Variants in LOC730098 observed in about 807,000 individuals in gnomAD.
the LOC730098 span, chr9:34,665,414 G>A: frequency 1.9e-5 from 13 of 699,470 alleles, no homozygotes; most frequent in Non-Finnish European, 2.6e-5. Context: ...GGGGCGGGGC[G>A]GGGAGGAGCT....
the LOC730098 span, chr9:34,665,580 G>T: frequency 2.9e-6 from 2 of 691,264 alleles, no homozygotes; most frequent in Non-Finnish European, 5.2e-6. Flanking sequence ...GGAGCCGCCT[G>T]GTTCCTCCTC....
chr9:34,664,804 C>A, the LOC730098 span: 2 of 401,580 alleles, frequency 5.0e-6, no homozygotes, highest in Non-Finnish European at 8.8e-6. Flanking sequence ...TTATTTAGTT[C>A]TCTTCATATA....
chr9:34,665,408 C>A, the LOC730098 span: 1 of 424,374 alleles, frequency 2.4e-6, no homozygotes, highest in Non-Finnish European at 4.6e-6. Context: ...CGGGGCGGGG[C>A]GGGGCGGGGA....
the LOC730098 span, chr9:34,665,805 C>T: frequency 1.3e-5 from 8 of 633,278 alleles, no homozygotes; most frequent in South Asian, 1.4e-4. Flanking sequence ...GCCTCAGTTG[C>T]CACCACGGGA....
chr9:34,665,276 A>C, the LOC730098 span: 7 of 701,940 alleles, frequency 1.0e-5, no homozygotes, highest in South Asian at 5.9e-5. Flanking sequence ...AGTCCCGTCC[A>C]TGCCCGGGGC....
chr9:34,665,421 A>G, the LOC730098 span: 2 of 698,248 alleles, frequency 2.9e-6, no homozygotes, highest in African/African-American at 1.8e-5. Flanking sequence ...GGCGGGGAGG[A>G]GCTGACCCTA....
At chr9:34,665,403 C>A in the LOC730098 span, 6 of 419,230 alleles carry the variant, frequency 1.4e-5, no homozygotes, top group South Asian at 8.0e-5. Flanking sequence ...CCGGGCGGGG[C>A]GGGGCGGGGC....
the LOC730098 span, chr9:34,664,637 C>G: frequency 1.2e-5 from 2 of 163,908 alleles, no homozygotes; most frequent in South Asian, 4.0e-4. Flanking sequence ...CAAGTCGCTC[C>G]TCTGTGGCAG....
the LOC730098 span, chr9:34,665,653 C>T: frequency 4.3e-6 from 3 of 701,292 alleles, no homozygotes; most frequent in Non-Finnish European, 7.8e-6. Flanking sequence ...CTCCTCATTC[C>T]CGACATGTCC....
chr9:34,665,569 C>CGGAGCCGCCTGGTTCCTCCTCCGCA, the LOC730098 span: 2 of 700,658 alleles, frequency 2.9e-6, no homozygotes, highest in Non-Finnish European at 5.2e-6. Flanking sequence ...TCCCCCACCC[C>CGGAGCCGCCTGGTTCCTCCTCCGCA]GGAGCCGCCT....
chr9:34,665,606 C>CA, the LOC730098 span: 1 of 701,238 alleles, frequency 1.4e-6, no homozygotes. Flanking sequence ...AACCCGCCTC[C>CA]ACTCACTCCT....
the LOC730098 span, chr9:34,665,800 A>G: frequency 1.6e-6 from 1 of 636,172 alleles, no homozygotes; most frequent in Non-Finnish European, 2.8e-6. Context: ...GAGAAGCCTC[A>G]GTTGCCACCA....
At chr9:34,665,775 G>C in the LOC730098 span, 2 of 659,284 alleles carry the variant, frequency 3.0e-6, no homozygotes, top group Non-Finnish European at 5.5e-6. Context: ...CAGGTAATCT[G>C]AGGCTGATGC....
the LOC730098 span, chr9:34,665,986 G>T: frequency 2.3e-6 from 1 of 432,554 alleles, no homozygotes; most frequent in Non-Finnish European, 4.2e-6. Flanking sequence ...ACCTGGAGGG[G>T]GGGCTGAGAG....
the LOC730098 span, chr9:34,664,960 G>A: frequency 1.8e-6 from 1 of 556,452 alleles, no homozygotes; most frequent in Non-Finnish European, 3.2e-6. Flanking sequence ...AACAGAGCCC[G>A]TGTGGGGAGG....
chr9:34,665,199 C>G, the LOC730098 span: 28 of 653,938 alleles, frequency 4.3e-5, no homozygotes, highest in Middle Eastern at 1.0e-3. Context: ...AGCTGTGGGG[C>G]GACCCGACAC....
chr9:34,664,859 C>A, the LOC730098 span: 1 of 417,790 alleles, frequency 2.4e-6, no homozygotes. Flanking sequence ...TTGGGGGAGA[C>A]AGCCATTGAT....
At chr9:34,664,834 T>G in the LOC730098 span, 1 of 408,278 alleles carries the variant, frequency 2.4e-6, no homozygotes, top group East Asian at 3.6e-5. Context: ...CAGTATGGGT[T>G]TTTGGGGGTT....
chr9:34,665,513 T>A, the LOC730098 span: 43 of 698,206 alleles, frequency 6.2e-5, no homozygotes, highest in Non-Finnish European at 1.0e-4. Flanking sequence ...CCCACGCCCC[T>A]GGGAGGCTCG....
Sources: gnomAD v4.1 joint callset for allele counts on GRCh38, gnomAD v4.1.1 for gene constraint, MANE v1.5 for transcripts.